Variants in SEPTIN1 observed in about 807,000 individuals in gnomAD.
The protein encoded by SEPTIN1 is septin 1, also known as septin-1.
SEPTIN1 carries 52 observed loss-of-function variants against 50.7 expected under a neutral mutation model. That is an observed-to-expected ratio of 1.03 (90% confidence interval 0.82 to 1.29). The LOEUF is 1.29. Among genes scored for constraint, SEPTIN1 ranks in the 50% most tolerant of loss-of-function variants. The pLI is 0.00. For synonymous variants in SEPTIN1, 204 were observed against 189.1 expected (o/e 1.08, Z -0.65); for missense variants, 455 against 490.7 (o/e 0.93, Z 0.69).
Position 30,380,059 on chromosome 16 carries a change from G to A in SEPTIN1, c.574-26C>T, listed in dbSNP as rs757969370. 41 of 1,580,578 alleles carry A rather than the reference G, an allele frequency of 2.6e-5. 1 individual carries two copies. The South Asian group carries it at 4.7e-4, about 18-fold the overall frequency. Reference sequence around the variant, plus strand: ...CTCAGGGGAAACAGATATAGAGACAGTGTGAAACGGGCCACAATGACAGAC... The same window carrying A: ...CTCAGGGGAAACAGATATAGAGACAATGTGAAACGGGCCACAATGACAGAC... On this transcript the variant is annotated intron_variant, in intron 6 of 10. Coordinates refer to ENST00000321367, the MANE Select transcript of SEPTIN1 (RefSeq NM_001365977.2).
Position 30,382,550 on chromosome 16 carries a change from C to T in SEPTIN1, c.-8G>A, listed in dbSNP as rs1412061314. Reference sequence around the variant, plus strand: ...CATGACTCCGCCAGCCATCACTGCACCTGCCGTCTCTCCCCACTTCCTCTG... The same window carrying T: ...CATGACTCCGCCAGCCATCACTGCATCTGCCGTCTCTCCCCACTTCCTCTG... On this transcript the variant is annotated 5_prime_UTR_variant, in exon 1 of 11. It adds an upstream start codon to the 5' untranslated region. Transcript: ENST00000321367. The surrounding 1 kb of genome is among the most constrained non-coding windows in gnomAD (Gnocchi z 4.8). The T allele has an allele frequency of 1.9e-6, 3 of 1,590,544 alleles. No homozygotes were observed. Among genetic ancestry groups the T allele is most frequent in the Admixed American group, 1.8e-5 (1 of 55,656 alleles).
In SEPTIN1 at chr16:30,378,705, G is replaced by A; in HGVS notation, c.942-5C>T. On this transcript the variant is annotated splice_region_variant and splice_polypyrimidine_tract_variant and intron_variant, in intron 9 of 10. Transcript: ENST00000321367. ...GCGCTCTGGCGGGAAAGCTTACTGC[G>A]GGACAGTGGGAAGGGGACAGGAATC... is the stretch of plus-strand genomic sequence containing the variant. The A allele has an allele frequency of 5.0e-6, 8 of 1,605,816 alleles. No homozygotes were observed. The highest frequency in any genetic ancestry group is 6.8e-6 in the Non-Finnish European group (8 of 1,179,454).
intron 6 of SEPTIN1, chr16:30,380,505 T>C (rs2049829496): frequency 6.4e-6 from 1 of 157,342 alleles, no homozygotes; most frequent in Non-Finnish European, 1.4e-5. Flanking sequence ...TTTTACCATG[T>C]TGCCGTGGCT....
In SEPTIN1 at chr16:30,381,490, G is replaced by A; in HGVS notation, c.321-17C>T. The stretch of plus-strand genomic sequence containing the variant: ...GGAAGCCAGCTGGGTGTGGGGAGAG[G>A]ATGTGAGGTCAGAGATCAAAGGCCA... On this transcript the variant is annotated splice_polypyrimidine_tract_variant and intron_variant, in intron 4 of 10. Coordinates refer to ENST00000321367, the MANE Select transcript of SEPTIN1 (RefSeq NM_001365977.2). The surrounding 1 kb of genome is among the most constrained non-coding windows in gnomAD (Gnocchi z 4.3). 4 of 1,613,814 alleles carry A rather than the reference G, an allele frequency of 2.5e-6. No homozygotes were observed. Among genetic ancestry groups the A allele is most frequent in the Non-Finnish European group, 2.5e-6 (3 of 1,179,908 alleles).
In SEPTIN1 at chr16:30,378,671, A is replaced by G. The variant is rs1395632305; in HGVS notation, c.971T>C (p.Ile324Thr). The G allele has an allele frequency of 1.2e-6, 2 of 1,609,092 alleles. No individual in the cohort carries two copies. Among genetic ancestry groups the G allele is most frequent in the Non-Finnish European group, 1.7e-6 (2 of 1,179,786 alleles). The change falls in exon 10 of 11, where the codon ATC (isoleucine) becomes ACC (threonine). Residue 324 changes from isoleucine to threonine, a missense_variant. Physicochemically the swap from Ile to Thr is moderately conservative, Grantham distance 89. Transcript: ENST00000321367. Reference sequence around the variant, plus strand: ...CGCCAGAGGCAGCATGGGCAGCGGGATCTCTGTGGCGCTCTGGCGGGAAAG... The same window carrying G: ...CGCCAGAGGCAGCATGGGCAGCGGGGTCTCTGTGGCGCTCTGGCGGGAAAG... ...SKLSRQSATE[I>T]PLPMLPLADT...
At position 30,379,493 on chromosome 16, in the gene SEPTIN1, C is replaced by T; in HGVS notation, c.717G>A (p.Val239=). ...TCACCGGCCGGTTCCCGCCATCCCT[C>T]ACCACCTCGCATGATCCCACGACTG... The part of the protein sequence containing the change: ...PFAVVGSCEV[V]RDGGNRPVRG... The change falls in exon 8 of 11, where the codon GTG becomes GTA. Residue 239 remains valine, a synonymous_variant. Transcript: ENST00000321367. The T allele has an allele frequency of 6.2e-7, 1 of 1,614,042 alleles. No individual in the cohort carries two copies. The highest frequency in any genetic ancestry group is 1.1e-5 in the South Asian group (1 of 91,078).
Position 30,381,418 on chromosome 16 carries a change from C to T in SEPTIN1, c.376G>A (p.Glu126Lys). ...ATGTTCTTCCGGTTCAGGCCACTCT[C>T]ATCCCTAAGGTACTGCTCAAATTGC... ...EEQFEQYLRD[E>K]SGLNRKNIQD... The change falls in exon 5 of 11, where the codon GAG becomes AAG. Residue 126 changes from glutamate (E) to lysine (K), a missense_variant. By Grantham distance (56) the Glu-to-Lys change is moderately conservative. Transcript: ENST00000321367. This position sits in a 1 kb window ranked among gnomAD's most constrained non-coding sequence, Gnocchi z 4.3. The T allele has an allele frequency of 1.2e-6, 2 of 1,614,066 alleles. No individual in the cohort carries two copies. The highest frequency in any genetic ancestry group is 2.2e-5 in the South Asian group (2 of 91,078).
At position 30,381,803 on chromosome 16, in the gene SEPTIN1, C is replaced by T; in HGVS notation, c.277G>A (p.Val93Met). 1 of 1,614,166 alleles carries T rather than the reference C, an allele frequency of 6.2e-7. No homozygotes were observed. The highest frequency in any genetic ancestry group is 2.2e-5 in the East Asian group (1 of 44,876). Residue 93 changes from valine (V) to methionine (M), a missense_variant, in exon 4 of 11, where the codon GTG becomes ATG. Transcript: ENST00000321367. This position sits in a 1 kb window ranked among gnomAD's most constrained non-coding sequence, Gnocchi z 4.3. Reference protein sequence around the residue: ...EGGVKVKLTLVDTPGFGDSVD... With the variant: ...EGGVKVKLTLMDTPGFGDSVD... ...GAGTCCCCAAAGCCAGGTGTGTCCA[C>T]AAGGGTCAGCTTCACTTTCACACCC...
chr16:30,379,627 C>T (rs894119123), intron 7 of SEPTIN1, 93 bp from the exon 8 acceptor site: 2 of 670,138 alleles, frequency 3.0e-6, no homozygotes, highest in Non-Finnish European at 2.5e-6. Context: ...TCCTCTGCTT[C>T]CTGCCCCTTC....
chr16:30,378,327 G>A lies in SEPTIN1; in HGVS notation c.*107C>T. 21 of 1,108,488 alleles carry A rather than the reference G, an allele frequency of 1.9e-5. No individual in the cohort carries two copies. The highest frequency in any genetic ancestry group is 2.6e-5 in the Non-Finnish European group (21 of 795,166). 68.7% of individuals were successfully genotyped at this position (1,108,488 alleles called of 1,614,324 possible). Reference sequence around the variant, plus strand: ...GAACCTCCCCCTAGCCCGCGCGAGGGCGGCACCCGCGGAGGTCCCGGGGGG... The same window carrying A: ...GAACCTCCCCCTAGCCCGCGCGAGGACGGCACCCGCGGAGGTCCCGGGGGG... On this transcript the variant is annotated 3_prime_UTR_variant, in exon 11 of 11. Coordinates refer to ENST00000321367, the MANE Select transcript of SEPTIN1 (RefSeq NM_001365977.2).
intron 9 of SEPTIN1, 91 bp from the exon 10 acceptor site, chr16:30,378,791 G>A: frequency 1.5e-6 from 2 of 1,300,084 alleles, no homozygotes; most frequent in Non-Finnish European, 2.1e-6. Context: ...CGAGGTTGGG[G>A]TCTAGGAGGC....
rs752265929 is a variant in SEPTIN1, at chr16:30,382,288, C to T, written c.96G>A (p.Thr32=). 9.3e-6 allele frequency: 15 copies of T among 1,613,698 alleles called. No homozygotes were observed. The highest frequency in any genetic ancestry group is 6.7e-5 in the East Asian group (3 of 44,880). The change falls in exon 2 of 11, where the codon ACG becomes ACA. Residue 32 remains threonine (T), a synonymous_variant. Transcript: ENST00000321367. This position sits in a 1 kb window ranked among gnomAD's most constrained non-coding sequence, Gnocchi z 4.8. The stretch of plus-strand genomic sequence containing the variant: ...AAACCCCCAGACCTGCCACCATTAG[C>T]GTGAAGTCAAACCCCTTCTTGACAG... ...RKSVKKGFDF[T]LMVAGESGLG...
rs2049855575 is a variant in SEPTIN1 at position 30,381,949 on chromosome 16, A to G, written c.197-66T>C. The G allele has an allele frequency of 3.7e-6, 6 of 1,608,708 alleles. No homozygotes were observed. The highest frequency in any genetic ancestry group is 1.3e-5 in the African/African-American group (1 of 74,744). ...GAGGCAGAATTAATTTCCTTTGTCA[A>G]TATCACAGTTGCCTGCACCCATTTC... On this transcript the variant is annotated intron_variant, in intron 3 of 10. Coordinates refer to ENST00000321367, the MANE Select transcript of SEPTIN1 (RefSeq NM_001365977.2). This position sits in a 1 kb window ranked among gnomAD's most constrained non-coding sequence, Gnocchi z 4.3.
chr16:30,381,156 G>A lies in SEPTIN1; in HGVS notation c.544C>T (p.Pro182Ser), dbSNP rs1276180385. 1.2e-6 allele frequency: 2 copies of A among 1,613,970 alleles called. No homozygotes were observed. The highest frequency in any genetic ancestry group is 1.7e-6 in the Non-Finnish European group (2 of 1,179,982). The stretch of plus-strand genomic sequence containing the variant: ...TGCTTGAGGGCCTGGGTTTCCTGGG[G>A]CATCAGAGCATCCGCTTTGCCAATG... ...PVIGKADALMPQETQALKQKI... is the reference protein window; with the variant it reads ...PVIGKADALMSQETQALKQKI... Residue 182 changes from proline (P) to serine (S), a missense_variant, in exon 6 of 11, where the codon CCC (proline) becomes TCC (serine). Transcript: ENST00000321367. The surrounding 1 kb of genome is among the most constrained non-coding windows in gnomAD (Gnocchi z 4.3).
In SEPTIN1 at chr16:30,378,675, C is replaced by G. The variant is rs1389481853; in HGVS notation, c.967G>C (p.Glu323Gln). 6.2e-7 allele frequency: 1 copy of G among 1,609,128 alleles called. No homozygotes were observed. Among genetic ancestry groups the G allele is most frequent in the East Asian group, 2.2e-5 (1 of 44,844 alleles). ...AGAGGCAGCATGGGCAGCGGGATCT[C>G]TGTGGCGCTCTGGCGGGAAAGCTTA... ...RSKLSRQSAT[E>Q]IPLPMLPLAD... The change falls in exon 10 of 11, where the codon GAG becomes CAG. Residue 323 changes from glutamate (E) to glutamine (Q), a missense_variant. Physicochemically the swap from Glu to Gln is conservative, Grantham distance 29. Transcript: ENST00000321367.
intron 6 of SEPTIN1, chr16:30,380,774 A>C: frequency 3.4e-6 from 1 of 290,578 alleles, no homozygotes; most frequent in Non-Finnish European, 6.7e-6. Flanking sequence ...TATCTAAAAA[A>C]AAAAAGAGAG....
chr16:30,379,666 TG>T, intron 7 of SEPTIN1, 132 bp from the exon 8 acceptor site: 1 of 616,040 alleles, frequency 1.6e-6, no homozygotes, highest in Non-Finnish European at 2.7e-6. Flanking sequence ...TTTTTTTTTT[TG>T]AGACAGGGTC....
upstream of SEPTIN1, chr16:30,382,665 G>T (rs2049867687): frequency 2.6e-6 from 4 of 1,533,898 alleles, no homozygotes; most frequent in South Asian, 4.8e-5. The surrounding 1 kb of genome is among the most constrained non-coding windows in gnomAD (Gnocchi z 4.8). Context: ...GAGAGGTGGG[G>T]AAGGCCAAGG....
intron 9 of SEPTIN1, 68 bp downstream of exon 9, chr16:30,378,950 T>C: frequency 6.6e-7 from 1 of 1,504,840 alleles, no homozygotes; most frequent in South Asian, 1.2e-5. Context: ...TGGGGACGAG[T>C]CCTCAGGGCG....
Sources: gnomAD v4.1 joint callset for allele counts on GRCh38, gnomAD v4.1.1 for gene constraint, Gnocchi (gnomAD v3.1) non-coding constraint, MANE v1.5 for transcripts, NCBI Gene and HGNC (gene_info 2026-07-23, HGNC 2026-07-21) for gene names.